Variants in TFAP2B observed in about 807,000 individuals in gnomAD.
TFAP2B encodes transcription factor AP-2 beta.
TFAP2B carries 9 observed loss-of-function variants against 44.3 expected under a neutral mutation model. The observed-to-expected ratio is 0.20, with a 90% CI of 0.12 to 0.35. TFAP2B has a LOEUF of 0.35. TFAP2B is among the 10% of genes least tolerant of loss of function. The pLI, the probability that TFAP2B is intolerant of heterozygous loss-of-function variation, is 1.00. For missense variants in TFAP2B, 509 were observed against 600.0 expected (o/e 0.85, Z 1.59); for synonymous variants, 270 against 263.8 (o/e 1.02, Z -0.23).
chr6:50,837,998 G>T lies in TFAP2B; in HGVS notation c.845G>T (p.Arg282Ile). ...AGAGCCAAATCGAAAAATGGGGGGA[G>T]ATCTTTGCGAGAAAGGCTAGAAAAA... ...LRRAKSKNGG[R>I]SLRERLEKIG... The change falls in exon 5 of 7, where the codon AGA becomes ATA. Residue 282 changes from arginine (R) to isoleucine (I), a missense_variant. Arg to Ile is a moderately conservative substitution (Grantham distance 97). Transcript: ENST00000393655. 2 of 1,614,142 alleles carry T rather than the reference G, an allele frequency of 1.2e-6. No individual in the cohort carries two copies. Among genetic ancestry groups the T allele is most frequent in the Non-Finnish European group, 1.7e-6 (2 of 1,179,998 alleles).
chr6:50,818,672 A>G, upstream of TFAP2B: 2 of 548,536 alleles, frequency 3.6e-6, no homozygotes. Flanking sequence ...TATGATTTTT[A>G]TAGTATATAT....
At chr6:50,827,828 GC>G (rs1164902691) in intron 2 of TFAP2B, among the ~76,000 whole-genome samples, 1 of 152,216 alleles carries the variant, frequency 6.6e-6, no homozygotes, top group African/African-American at 2.4e-5. Flanking sequence ...TGCTACCAGT[GC>G]TCAGAGTTGA....
chr6:50,828,477 G>T, intron 2 of TFAP2B, 142 bp from the exon 3 acceptor site: 8 of 686,206 alleles, frequency 1.2e-5, no homozygotes, highest in South Asian at 6.2e-5. Flanking sequence ...TGTCTATTTG[G>T]AGGTAATAAT....
intron 1 of TFAP2B, among the ~76,000 whole-genome samples, chr6:50,820,346 G>T (rs1347728431): frequency 6.6e-6 from 1 of 152,216 alleles, no homozygotes; most frequent in Non-Finnish European, 1.5e-5. Context: ...GGGGACTCGG[G>T]CTCGGACGAG....
At chr6:50,839,591 A>C (rs910840188) in intron 5 of TFAP2B, among the ~76,000 whole-genome samples, 4 of 152,192 alleles carry the variant, frequency 2.6e-5, no homozygotes, top group Non-Finnish European at 5.9e-5. Context: ...TGAAGGGGAG[A>C]AACCTGAAAC....
At position 50,836,072 on chromosome 6, in the gene TFAP2B, C is replaced by T. The variant is rs149815783; in HGVS notation, c.613C>T (p.Pro205Ser). Residue 205 changes from proline to serine, a missense_variant, in exon 4 of 7, where the codon CCC (proline) becomes TCC (serine). By Grantham distance (74) the Pro-to-Ser change is moderately conservative (BLOSUM62 -1). Around this residue, in one of 3 missense-constraint regions of TFAP2B, gnomAD observed 296 missense variants for 308.2 expected, o/e 0.96. Transcript: ENST00000393655. ...TTCTCTCTTTCTAGTTCCAGTTCCT[C>T]CCAAATCGGTGACTTCTCTAATGAT... Reference protein sequence around the residue: ...QSVIKKVPVPPKSVTSLMMNK... With the variant: ...QSVIKKVPVPSKSVTSLMMNK... The T allele has an allele frequency of 1.5e-5, 24 of 1,614,006 alleles. No individual in the cohort carries two copies. Among genetic ancestry groups the T allele is most frequent in the Middle Eastern group, 3.3e-4 (2 of 6,082 alleles).
In TFAP2B at chr6:50,846,276, C is replaced by G. The variant is rs901054205; in HGVS notation, c.*2884C>G. The G allele has an allele frequency of 6.6e-6, 1 of 152,594 alleles. No individual in the cohort carries two copies. Among genetic ancestry groups the G allele is most frequent in the African/African-American group, 2.4e-5 (1 of 41,416 alleles). The allele number at this position is 152,594 out of a possible 1,614,324, so 9.5% of individuals were successfully genotyped here. ...CTCCTTTCATGTAGGACCCCCGCCCCCTTGCTTTCCTTAGCCAGGCCCGCT... is the reference window on the plus strand; with the variant it reads ...CTCCTTTCATGTAGGACCCCCGCCCGCTTGCTTTCCTTAGCCAGGCCCGCT... On this transcript the variant is annotated 3_prime_UTR_variant, in exon 7 of 7. Transcript: ENST00000393655.
At chr6:50,818,728 C>G (rs1273964441), upstream of TFAP2B, 1 of 632,112 alleles carries the variant, frequency 1.6e-6, no homozygotes, top group Non-Finnish European at 2.8e-6. Context: ...AATGTTTTTT[C>G]TCTTTGCTGA....
In TFAP2B at chr6:50,825,268, A is replaced by G. The variant is rs2113932463; in HGVS notation, c.540+1403A>G. 2.7e-5 allele frequency among the ~76,000 whole-genome samples: 4 copies of G among 150,848 alleles called. No individual in the cohort carries two copies. In the South Asian group the frequency reaches 8.5e-4, roughly 32 times the overall value. ...CTAGAGATATTGCTCATTTCTGAAT[A>G]TCATATGAAAAAGGAAGTATTTAAT... On this transcript the variant is annotated intron_variant, in intron 2 of 6. Transcript: ENST00000393655.
rs761063428 is a variant in TFAP2B, at chr6:50,838,083, C to T, written c.930C>T (p.Ser310=). The change falls in exon 5 of 7, where the codon TCC becomes TCT. Residue 310 remains serine, a synonymous_variant. Transcript: ENST00000393655. ...CAGCAAATGTCACGTTACTCACCTCCCTGGTGGAAGGTAAGCAAGACGTGT... is the reference window on the plus strand; with the variant it reads ...CAGCAAATGTCACGTTACTCACCTCTCTGGTGGAAGGTAAGCAAGACGTGT... The part of the protein sequence containing the change: ...RKAANVTLLT[S]LVEGEAVHLA... 4 of 1,613,504 alleles carry T rather than the reference C, an allele frequency of 2.5e-6. No homozygotes were observed. In the African/African-American group the frequency reaches 4.0e-5, roughly 16 times the overall value.
At chr6:50,836,802 A>G (rs1561964539) in intron 4 of TFAP2B, among the ~76,000 whole-genome samples, 1 of 152,222 alleles carries the variant, frequency 6.6e-6, no homozygotes, top group Non-Finnish European at 1.5e-5. Flanking sequence ...ACTGTAACCC[A>G]GTTTGATAAA....
At position 50,846,179 on chromosome 6, in the gene TFAP2B, G is replaced by C. The variant is rs1561969668; in HGVS notation, c.*2787G>C. The C allele has an allele frequency of 6.7e-6, 1 of 149,872 alleles. No individual in the cohort carries two copies. Among genetic ancestry groups the C allele is most frequent in the Non-Finnish European group, 1.5e-5 (1 of 67,424 alleles). The allele number at this position is 149,872 out of a possible 1,614,324, so 9.3% of individuals were successfully genotyped here. A position where few individuals can be genotyped will look rare whatever the true frequency, so the allele number is the denominator to read the frequency against. ...TTTGTGTGTTCCTCCTTGCTCCAGC[G>C]AGATAGAACCTTTTGCGCCCCCAAC... On this transcript the variant is annotated 3_prime_UTR_variant, in exon 7 of 7. Coordinates refer to ENST00000393655, the MANE Select transcript of TFAP2B (RefSeq NM_003221.4).
intron 4 of TFAP2B, 25 bp downstream of exon 4, chr6:50,836,305 AC>A: frequency 6.3e-7 from 1 of 1,591,664 alleles, no homozygotes; most frequent in Non-Finnish European, 8.6e-7. Flanking sequence ...AAAAACAAAA[AC>A]AAAAACAAAA....
intron 2 of TFAP2B, among the ~76,000 whole-genome samples, chr6:50,826,636 A>G (rs1770517015): frequency 6.6e-6 from 1 of 151,920 alleles, no homozygotes; most frequent in Non-Finnish European, 1.5e-5. Flanking sequence ...TTAAAAACTC[A>G]GGAAAACACC....
chr6:50,839,485 CTGAG>C (rs1581828731), intron 5 of TFAP2B, among the ~76,000 whole-genome samples: 2 of 152,134 alleles, frequency 1.3e-5, no homozygotes, highest in African/African-American at 4.8e-5. Flanking sequence ...TTCACATAAG[CTGAG>C]TAATACCTTA....
intron 1 of TFAP2B, chr6:50,822,042 C>A: frequency 2.4e-6 from 2 of 836,584 alleles, no homozygotes; most frequent in Non-Finnish European, 3.4e-6. Context: ...TCAAGCTCAG[C>A]TCCTGTGTCC....
chr6:50,840,090 A>T (rs755687414), intron 5 of TFAP2B, 66 bp from the exon 6 acceptor site: 3 of 1,599,696 alleles, frequency 1.9e-6, no homozygotes, highest in Non-Finnish European at 2.6e-6. Context: ...TGACAAGGGA[A>T]TGTCTCCGCC....
chr6:50,825,854 T>C (rs898772148), intron 2 of TFAP2B, among the ~76,000 whole-genome samples: 2 of 152,134 alleles, frequency 1.3e-5, no homozygotes, highest in Non-Finnish European at 2.9e-5. Flanking sequence ...GGGACCTTCT[T>C]GGGACGACCC....
chr6:50,819,818 C>G (rs1419532990), intron 1 of TFAP2B, among the ~76,000 whole-genome samples: 14 of 152,068 alleles, frequency 9.2e-5, no homozygotes, highest in Non-Finnish European at 1.6e-4. Context: ...GCGAGGCGGA[C>G]TAGGCGGACG....
Sources: gnomAD v4.1 joint callset for allele counts (sites outside exome capture counted in the v4.1 genomes callset) on GRCh38, gnomAD v4.1.1 for gene constraint, gnomAD v4.1.1 regional missense constraint, MANE v1.5 for transcripts, NCBI Gene and HGNC (gene_info 2026-07-23, HGNC 2026-07-21) for gene names.